Variants in ARHGAP21 observed in about 807,000 individuals in gnomAD.
ARHGAP21 encodes the protein Rho GTPase activating protein 21, also known as rho GTPase-activating protein 21.
ARHGAP21 carries 38 observed loss-of-function variants against 164.6 expected under a neutral mutation model. The ratio of observed to expected loss-of-function variants is 0.23; its 90% CI spans 0.18 to 0.30. ARHGAP21 has a LOEUF of 0.30. Among genes scored for constraint, ARHGAP21 ranks in the 10% least tolerant of loss-of-function variants. The pLI, the probability that ARHGAP21 is intolerant of heterozygous loss-of-function variation, is 1.00. For missense variants in ARHGAP21, 1,822 were observed against 2,370.7 expected (o/e 0.77, Z 4.81); for synonymous variants, 766 against 857.9 (o/e 0.89, Z 1.87).
chr10:24,630,142 ATTGT>A, intron 6 of ARHGAP21, 92 bp from the exon 7 acceptor site: 1 of 663,628 alleles, frequency 1.5e-6, no homozygotes, highest in African/African-American at 1.9e-5. Flanking sequence ...TATTTTTTAA[ATTGT>A]TTAAGAGTTT....
intron 7 of ARHGAP21, 145 bp downstream of exon 7, chr10:24,629,851 G>A: frequency 1.4e-6 from 1 of 713,584 alleles, no homozygotes. Flanking sequence ...AAAATGTAGA[G>A]AATTCCAGAT....
At chr10:24,723,525 C>G (rs574854773) in intron 1 of ARHGAP21, 37 bp downstream of exon 1, 1 of 147,378 alleles carries the variant, frequency 6.8e-6, no homozygotes, top group Non-Finnish European at 1.5e-5. Flanking sequence ...AGCGCAGCGC[C>G]CTCTCGGCTG....
chr10:24,587,401 A>AC (rs2076150718), intron 25 of ARHGAP21, among the ~76,000 whole-genome samples: 1 of 152,148 alleles, frequency 6.6e-6, no homozygotes, highest in Non-Finnish European at 1.5e-5. Flanking sequence ...AACAGACAGT[A>AC]TATTTCTCTA....
chr10:24,716,538 C>T (rs181654331), intron 2 of ARHGAP21, among the ~76,000 whole-genome samples: 18 of 152,122 alleles, frequency 1.2e-4, no homozygotes, highest in Admixed American at 2.6e-4. Flanking sequence ...CAGAGTGAGG[C>T]GGGAAGAGGC....
chr10:24,608,777 T>G lies in ARHGAP21; in HGVS notation c.2423-874A>C, dbSNP rs551322114. 1.2e-4 allele frequency among the ~76,000 whole-genome samples: 14 copies of G among 118,810 alleles called. No individual in the cohort carries two copies. The South Asian group carries it at 3.6e-3, about 31-fold the overall frequency. The allele number at this position is 118,810 out of a possible 152,430, so 77.9% of individuals were successfully genotyped here. A position where few individuals can be genotyped will look rare whatever the true frequency, so the allele number is the denominator to read the frequency against. ...TTATTTTCTGTTTTTACAACTTTCT[T>G]TAAAAGCAGCTCTTTACATTTTAGG... On this transcript the variant is annotated intron_variant, in intron 9 of 25. Coordinates refer to ENST00000396432, the MANE Select transcript of ARHGAP21 (RefSeq NM_020824.4).
chr10:24,612,891 G>A (rs1289362704), intron 9 of ARHGAP21, among the ~76,000 whole-genome samples: 1 of 148,816 alleles, frequency 6.7e-6, no homozygotes, highest in Admixed American at 6.7e-5. Flanking sequence ...AAATTCAAAT[G>A]TGACAAATAT....
Position 24,595,196 on chromosome 10 carries a change from G to T in ARHGAP21, c.3713-6C>A. ...AATAAAATCAGCATATTTATCTGACGACAAGAACAATAAAACAAATTTATC... is the reference window on the plus strand; with the variant it reads ...AATAAAATCAGCATATTTATCTGACTACAAGAACAATAAAACAAATTTATC... On this transcript the variant is annotated splice_region_variant and splice_polypyrimidine_tract_variant and intron_variant, in intron 19 of 25. Transcript: ENST00000396432. 4 of 1,605,310 alleles carry T rather than the reference G, an allele frequency of 2.5e-6. No homozygotes were observed. The South Asian group carries it at 4.5e-5, about 18-fold the overall frequency.
rs548030279 is a variant in ARHGAP21 at position 24,588,428 on chromosome 10, G to A, written c.4182+843C>T. ...GTGCTATTATTTTAGCAGCTTTTCT[G>A]TAGGTTTAACATTTTTCAAGATAAA... On this transcript the variant is annotated intron_variant, in intron 25 of 25. Transcript: ENST00000396432. Among the ~76,000 whole-genome samples, 4 of 152,204 alleles carry A rather than the reference G, an allele frequency of 2.6e-5. No homozygotes were observed. The East Asian group carries it at 7.7e-4, about 29-fold the overall frequency.
chr10:24,657,059 G>A (rs1373370092), intron 4 of ARHGAP21, among the ~76,000 whole-genome samples: 2 of 54,612 alleles, frequency 3.7e-5, no homozygotes, highest in Non-Finnish European at 7.3e-5. Flanking sequence ...CGCCCCGTCC[G>A]GGAGGGAGGT....
chr10:24,723,130 G>T (rs547048460), intron 1 of ARHGAP21: 1 of 151,622 alleles, frequency 6.6e-6, no homozygotes, highest in Non-Finnish European at 1.5e-5. Context: ...TAGGAGCCCC[G>T]GGGCGAGACA....
At chr10:24,709,051 A>G (rs988084461) in intron 2 of ARHGAP21, among the ~76,000 whole-genome samples, 3 of 152,214 alleles carry the variant, frequency 2.0e-5, no homozygotes, top group African/African-American at 7.2e-5. Context: ...ACCCAAATAA[A>G]AAAATCAGAT....
In ARHGAP21 at chr10:24,719,442, A is replaced by G. The variant is rs554494788; in HGVS notation, c.63+2395T>C. On this transcript the variant is annotated intron_variant, in intron 2 of 25. Coordinates refer to ENST00000396432, the MANE Select transcript of ARHGAP21 (RefSeq NM_020824.4). ...TTCAACAAAGCACAAGGCCTTATTCAGAGAAGGTGGAGTTGGCTAATTAGA... is the reference window on the plus strand; with the variant it reads ...TTCAACAAAGCACAAGGCCTTATTCGGAGAAGGTGGAGTTGGCTAATTAGA... Among the ~76,000 whole-genome samples the G allele has an allele frequency of 2.6e-5, 4 of 152,350 alleles. No homozygotes were observed. In the South Asian group the frequency reaches 8.3e-4, roughly 32 times the overall value.
At chr10:24,715,547 T>A (rs74796589) in intron 2 of ARHGAP21, among the ~76,000 whole-genome samples, 3,851 of 152,278 alleles carry the variant, frequency 0.025, 71 homozygotes, top group Non-Finnish European at 0.037. Flanking sequence ...ACACATTGTC[T>A]TGGTTACTGT....
chr10:24,659,297 T>TACC (rs1388464715), intron 4 of ARHGAP21, among the ~76,000 whole-genome samples: 2 of 152,220 alleles, frequency 1.3e-5, no homozygotes, highest in African/African-American at 2.4e-5. Context: ...TATTGTTATC[T>TACC]ACCTTTCAAA....
intron 4 of ARHGAP21, among the ~76,000 whole-genome samples, chr10:24,650,428 T>G (rs1452829130): frequency 1.3e-5 from 2 of 152,178 alleles, no homozygotes; most frequent in Non-Finnish European, 2.9e-5. Context: ...AAGGTCCTTA[T>G]ATTTTGTAAG....
At chr10:24,713,427 C>T (rs746279773) in intron 2 of ARHGAP21, among the ~76,000 whole-genome samples, 65 of 152,244 alleles carry the variant, frequency 4.3e-4, no homozygotes, top group Non-Finnish European at 6.8e-4. Context: ...TTTAACTTCC[C>T]TGTTTTTTTA....
chr10:24,655,061 A>G (rs1838661323), intron 4 of ARHGAP21, among the ~76,000 whole-genome samples: 1 of 152,262 alleles, frequency 6.6e-6, no homozygotes, highest in Non-Finnish European at 1.5e-5. Flanking sequence ...AAAACTGGCT[A>G]GCCATACGTA....
chr10:24,608,616 G>A (rs2077130944), intron 9 of ARHGAP21, among the ~76,000 whole-genome samples: 1 of 152,114 alleles, frequency 6.6e-6, no homozygotes, highest in Non-Finnish European at 1.5e-5. Flanking sequence ...AAAAGGTCCA[G>A]CTATTTTAAT....
intron 25 of ARHGAP21, 80 bp from the exon 26 acceptor site, chr10:24,586,186 A>G (rs1296695946): frequency 4.2e-6 from 6 of 1,428,030 alleles, no homozygotes; most frequent in Non-Finnish European, 5.5e-6. Context: ...TCTCCCAAAT[A>G]TTTCTTATCA....
Sources: allele counts gnomAD v4.1 joint callset (sites outside exome capture counted in the v4.1 genomes callset), GRCh38; gene constraint gnomAD v4.1.1; transcripts MANE v1.5; gene names NCBI Gene and HGNC (gene_info 2026-07-23, HGNC 2026-07-21).